Variants in DEGS1 observed in about 807,000 individuals in gnomAD.
DEGS1 encodes the protein delta 4-desaturase, sphingolipid 1, also known as sphingolipid delta(4)-desaturase DES1.
Under a neutral mutation model 24.1 loss-of-function variants are expected in DEGS1, and 17 were observed. The ratio of observed to expected loss-of-function variants is 0.70; its 90% confidence interval spans 0.48 to 1.06. The LOEUF is 1.06. DEGS1 is among the 50% of genes least tolerant of loss of function. The pLI, the probability that DEGS1 is intolerant of heterozygous loss-of-function variation, is 0.00. For missense variants in DEGS1, 366 were observed against 408.9 expected (o/e 0.90, Z 0.91); for synonymous variants, 134 against 140.0 (o/e 0.96, Z 0.30).
Position 224,190,005 on chromosome 1 carries a change from G to T in DEGS1, c.511G>T (p.Ala171Ser). 6.2e-7 allele frequency: 1 copy of T among 1,614,140 alleles called. No homozygotes were observed. The highest frequency in any genetic ancestry group is 8.5e-7 in the Non-Finnish European group (1 of 1,180,028). ...IWVILQPLFY[A>S]FRPLFINPKP... Reference sequence around the variant, plus strand: ...GGTTATTCTTCAGCCTCTCTTTTATGCCTTTCGACCTCTGTTCATCAACCC... The same window carrying T: ...GGTTATTCTTCAGCCTCTCTTTTATTCCTTTCGACCTCTGTTCATCAACCC... The change falls in exon 2 of 3, where the codon GCC (alanine) becomes TCC (serine). Residue 171 changes from alanine (A) to serine (S), a missense_variant. Ala to Ser is a moderately conservative substitution (Grantham distance 99). Transcript: ENST00000323699.
chr1:224,186,815 C>G (rs1340313926), intron 1 of DEGS1, among the ~76,000 whole-genome samples: 3 of 151,444 alleles, frequency 2.0e-5, no homozygotes, highest in Non-Finnish European at 4.4e-5. Flanking sequence ...TGTTCTGTTT[C>G]AGGGTGGGAG....
chr1:224,185,869 C>T (rs763137893), intron 1 of DEGS1, among the ~76,000 whole-genome samples: 2 of 152,070 alleles, frequency 1.3e-5, no homozygotes, highest in African/African-American at 2.4e-5. Context: ...GTGTAAAAAC[C>T]AACTCTGGAA....
chr1:224,183,493 C>G lies in DEGS1; in HGVS notation c.82+75C>G, dbSNP rs1044219637. Reference sequence around the variant, plus strand: ...CGGGGCGCGCTCTCCCCTCGCGGGCCCTGCGCGGTCGTGGGCGCCGGAGGC... The same window carrying G: ...CGGGGCGCGCTCTCCCCTCGCGGGCGCTGCGCGGTCGTGGGCGCCGGAGGC... On this transcript the variant is annotated intron_variant, in intron 1 of 2. Transcript: ENST00000323699. 4.1e-5 allele frequency: 48 copies of G among 1,184,328 alleles called. No individual in the cohort carries two copies. The African/African-American group carries it at 7.5e-4, about 19-fold the overall frequency. The allele number at this position is 1,184,328 out of a possible 1,614,324, so 73.4% of individuals were successfully genotyped here. A position where few individuals can be genotyped will look rare whatever the true frequency, so the allele number is the denominator to read the frequency against.
intron 1 of DEGS1, among the ~76,000 whole-genome samples, chr1:224,185,849 C>T (rs1572040506): frequency 6.6e-6 from 1 of 152,114 alleles, no homozygotes; most frequent in Non-Finnish European, 1.5e-5. Flanking sequence ...AATAATCTAG[C>T]GTCCTACCTG....
rs774949635 is a variant in DEGS1, at chr1:224,190,256, C to T, written c.762C>T (p.Phe254=). 3 of 1,513,258 alleles carry T rather than the reference C, an allele frequency of 2.0e-6. No individual in the cohort carries two copies. Among genetic ancestry groups the T allele is most frequent in the Non-Finnish European group, 2.6e-6 (3 of 1,134,104 alleles). 93.7% of individuals were successfully genotyped at this position (1,513,258 alleles called of 1,614,324 possible). The part of the protein sequence containing the change: ...SYYGPLNLLT[F]NVGYHNEHHD... ...ATGGGCCTCTGAATTTACTTACCTT[C>T]AATGTGGGTTATCATAATGAACATC... is the stretch of plus-strand genomic sequence containing the variant. The change falls in exon 2 of 3, where the codon TTC becomes TTT. Residue 254 remains phenylalanine (F), a synonymous_variant. Coordinates refer to ENST00000323699, the MANE Select transcript of DEGS1 (RefSeq NM_003676.4).
intron 2 of DEGS1, 23 bp from the exon 3 acceptor site, chr1:224,192,309 T>C (rs370789828): frequency 6.2e-7 from 1 of 1,601,328 alleles, no homozygotes; most frequent in East Asian, 2.2e-5. Flanking sequence ...ATTTTTCATC[T>C]TGCTGTATTT....
Position 224,193,087 on chromosome 1 carries a change from A to C in DEGS1, c.*609A>C, listed in dbSNP as rs1658585742. 1 of 152,152 alleles carries C rather than the reference A, an allele frequency of 6.6e-6. No individual in the cohort carries two copies. 9.4% of individuals were successfully genotyped at this position (152,152 alleles called of 1,614,324 possible). On this transcript the variant is annotated 3_prime_UTR_variant, in exon 3 of 3. Coordinates refer to ENST00000323699, the MANE Select transcript of DEGS1 (RefSeq NM_003676.4). ...AAATAAATAAATATATATAAAAAAT[A>C]AAAAGCTATTTCTAGTTTATTTCAC... is the stretch of plus-strand genomic sequence containing the variant.
intron 1 of DEGS1, among the ~76,000 whole-genome samples, chr1:224,187,565 G>A (rs940061928): frequency 6.6e-5 from 10 of 152,090 alleles, no homozygotes; most frequent in African/African-American, 2.4e-4. Flanking sequence ...TGTTTGCCCA[G>A]GCTGGTCTTG....
chr1:224,183,651 C>T (rs1658297259), intron 1 of DEGS1: 1 of 327,422 alleles, frequency 3.1e-6, no homozygotes, highest in Admixed American at 4.9e-5. Context: ...GACCCTTCCG[C>T]GAAGAGGCGC....
At chr1:224,192,213 A>T in intron 2 of DEGS1, 119 bp from the exon 3 acceptor site, 8 of 696,404 alleles carry the variant, frequency 1.1e-5, no homozygotes, top group East Asian at 3.2e-5. Context: ...TTTAAGAGAG[A>T]GGAGGGAGGC....
chr1:224,184,970 TACACAC>T (rs58790626), intron 1 of DEGS1, among the ~76,000 whole-genome samples: 5,354 of 148,638 alleles, frequency 0.036, 130 homozygotes, highest in African/African-American at 0.065. Context: ...GCCCCCCGTT[TACACAC>T]ACACACACAC....
chr1:224,190,653 A>G (rs1227372796), intron 2 of DEGS1, among the ~76,000 whole-genome samples: 3 of 151,290 alleles, frequency 2.0e-5, no homozygotes, highest in Non-Finnish European at 4.4e-5. Flanking sequence ...CTTCCAGCCT[A>G]CTTTTACAAA....
intron 1 of DEGS1, among the ~76,000 whole-genome samples, chr1:224,184,582 A>G (rs910418107): frequency 1.2e-4 from 18 of 151,654 alleles, no homozygotes; most frequent in African/African-American, 4.4e-4. Flanking sequence ...CGCGATCTCC[A>G]CTCGCTGCAA....
chr1:224,192,848 G>T lies in DEGS1; in HGVS notation c.*370G>T, dbSNP rs1181781105. The T allele has an allele frequency of 1.1e-5, 2 of 188,568 alleles. No homozygotes were observed. Among genetic ancestry groups the T allele is most frequent in the African/African-American group, 4.8e-5 (2 of 41,694 alleles). The allele number at this position is 188,568 out of a possible 1,614,324, so 11.7% of individuals were successfully genotyped here. A position where few individuals can be genotyped will look rare whatever the true frequency, so the allele number is the denominator to read the frequency against. On this transcript the variant is annotated 3_prime_UTR_variant, in exon 3 of 3. Transcript: ENST00000323699. ...GTGGGTGGATCACCTGAGGTCAGGAGTTCGAGACCAGCCTGGCCAACACGG... is the reference window on the plus strand; with the variant it reads ...GTGGGTGGATCACCTGAGGTCAGGATTTCGAGACCAGCCTGGCCAACACGG...
In DEGS1 at chr1:224,193,274, C is replaced by G. The variant is rs1454878144; in HGVS notation, c.*796C>G. 4 of 151,980 alleles carry G rather than the reference C, an allele frequency of 2.6e-5. No individual in the cohort carries two copies. The highest frequency in any genetic ancestry group is 5.9e-5 in the Non-Finnish European group (4 of 67,998). The allele number at this position is 151,980 out of a possible 1,614,324, so 9.4% of individuals were successfully genotyped here. Reference sequence around the variant, plus strand: ...CATCTCAAAAATAATTTTTAAAAAGCCTGAGGTATGATATAGCATAAAAGA... The same window carrying G: ...CATCTCAAAAATAATTTTTAAAAAGGCTGAGGTATGATATAGCATAAAAGA... On this transcript the variant is annotated 3_prime_UTR_variant, in exon 3 of 3. Transcript: ENST00000323699.
rs746101916 is a variant in DEGS1 at position 224,190,035 on chromosome 1, C to T, written c.541C>T (p.Pro181Ser). 16 of 1,614,078 alleles carry T rather than the reference C, an allele frequency of 9.9e-6. No homozygotes were observed. Among genetic ancestry groups the T allele is most frequent in the Middle Eastern group, 3.3e-4 (2 of 6,084 alleles). The change falls in exon 2 of 3, where the codon CCA becomes TCA. Residue 181 changes from proline (P) to serine (S), a missense_variant. Pro to Ser is a moderately conservative substitution (Grantham distance 74, BLOSUM62 -1). Coordinates refer to ENST00000323699, the MANE Select transcript of DEGS1 (RefSeq NM_003676.4). ...TCGACCTCTGTTCATCAACCCCAAA[C>T]CAATTACGTATCTGGAAGTTATCAA... ...AFRPLFINPK[P>S]ITYLEVINTV...
Position 224,183,366 on chromosome 1 carries a change from C to T in DEGS1, c.30C>T (p.Phe10=), listed in dbSNP as rs1452545042. 7 of 1,480,616 alleles carry T rather than the reference C, an allele frequency of 4.7e-6. No homozygotes were observed. The South Asian group carries it at 9.1e-5, about 19-fold the overall frequency. The allele number at this position is 1,480,616 out of a possible 1,614,324, so 91.7% of individuals were successfully genotyped here. MGSRVSRED[F]EWVYTDQPHA... is the part of the protein sequence containing the mutation. ...GGAGCCGCGTCTCGCGGGAAGACTT[C>T]GAGTGGGTCTACACCGACCAGCCGC... Residue 10 remains phenylalanine (F), a synonymous_variant, in exon 1 of 3, where the codon TTC becomes TTT. Coordinates refer to ENST00000323699, the MANE Select transcript of DEGS1 (RefSeq NM_003676.4).
At chr1:224,183,544 G>A (rs1409242252) in intron 1 of DEGS1, 126 bp downstream of exon 1, 4 of 702,660 alleles carry the variant, frequency 5.7e-6, no homozygotes, top group African/African-American at 1.9e-5. Context: ...TCCCCGTCGC[G>A]TCCCGTCGCC....
At chr1:224,185,065 A>G (rs985827513) in intron 1 of DEGS1, among the ~76,000 whole-genome samples, 1 of 151,848 alleles carries the variant, frequency 6.6e-6, no homozygotes, top group African/African-American at 2.4e-5. Flanking sequence ...TATATATAGT[A>G]TTTCCTTAGT....
Sources: gnomAD v4.1 joint callset for allele counts (sites outside exome capture counted in the v4.1 genomes callset) on GRCh38, gnomAD v4.1.1 for gene constraint, MANE v1.5 for transcripts, NCBI Gene and HGNC (gene_info 2026-07-23, HGNC 2026-07-21) for gene names.